The following ITGA9 variants were observed in gnomAD, a reference collection of about 807,000 sequenced individuals.
ITGA9 encodes integrin subunit alpha 9.
Under a neutral mutation model 127.8 loss-of-function variants are expected in ITGA9, and 56 were observed. The observed-to-expected ratio is 0.44, with a 90% CI of 0.35 to 0.55. The LOEUF (loss-of-function observed/expected upper bound fraction) is 0.55. Among genes scored for constraint, ITGA9 ranks in the 20% least tolerant of loss-of-function variants. The probability of loss-of-function intolerance (pLI) is 0.00; values close to 1 mark genes in which losing one functional copy is unlikely to be tolerated. For synonymous variants in ITGA9, 508 were observed against 514.5 expected (o/e 0.99, Z 0.17); for missense variants, 1,196 against 1,347.1 (o/e 0.89, Z 1.76).
chr3:37,771,071 G>GAGA (rs1050324815), intron 23 of ITGA9, among the ~76,000 whole-genome samples: 15 of 152,178 alleles, frequency 9.9e-5, no homozygotes, highest in African/African-American at 3.4e-4. Context: ...ATGGACCTCT[G>GAGA]CCAGCTCCCA....
intron 11 of ITGA9, among the ~76,000 whole-genome samples, chr3:37,521,052 C>CTT (rs1699039198): frequency 6.6e-6 from 1 of 152,128 alleles, no homozygotes; most frequent in Non-Finnish European, 1.5e-5. Flanking sequence ...GCATCTGGAC[C>CTT]AGCCTGCCTT....
In ITGA9 at chr3:37,714,718, C is replaced by T. The variant is rs558761679; in HGVS notation, c.2068-17994C>T. Among the ~76,000 whole-genome samples the T allele has an allele frequency of 9.2e-5, 14 of 152,344 alleles. No individual in the cohort carries two copies. The East Asian group carries it at 2.3e-3, about 25-fold the overall frequency. On this transcript the variant is annotated intron_variant, in intron 18 of 27. Transcript: ENST00000264741. ...AAACAACCGTGGGCTCCTCCCCAGACCTATTGAGTCAAACTCTGGGGGTAG... is the reference window on the plus strand; with the variant it reads ...AAACAACCGTGGGCTCCTCCCCAGATCTATTGAGTCAAACTCTGGGGGTAG...
intron 14 of ITGA9, among the ~76,000 whole-genome samples, chr3:37,540,242 C>A (rs1699251949): frequency 6.6e-6 from 1 of 152,212 alleles, no homozygotes; most frequent in African/African-American, 2.4e-5. Flanking sequence ...GGTCAGGGGA[C>A]CCCGAGGAGA....
At chr3:37,677,244 T>C (rs1700690866) in intron 17 of ITGA9, among the ~76,000 whole-genome samples, 1 of 152,262 alleles carries the variant, frequency 6.6e-6, no homozygotes. Context: ...TTTGGTATTT[T>C]TTGCTCATAT....
chr3:37,508,743 A>T lies in ITGA9; in HGVS notation c.897+116A>T, dbSNP rs1181864323. The T allele has an allele frequency of 3.8e-6, 3 of 779,606 alleles. No individual in the cohort carries two copies. The East Asian group carries it at 7.8e-5, about 20-fold the overall frequency. The allele number at this position is 779,606 out of a possible 1,614,324, so 48.3% of individuals were successfully genotyped here. ...TACCTGTGCCCTGTGTTTATATGGC[A>T]GTGCTGTCTGCTTGTTGGTGTCTTT... On this transcript the variant is annotated intron_variant, in intron 8 of 27. Coordinates refer to ENST00000264741, the MANE Select transcript of ITGA9 (RefSeq NM_002207.3).
At chr3:37,633,058 C>G (rs1426593287) in intron 16 of ITGA9, among the ~76,000 whole-genome samples, 1 of 152,132 alleles carries the variant, frequency 6.6e-6, no homozygotes, top group Admixed American at 6.5e-5. Flanking sequence ...TCTCAAAAGT[C>G]TAATGACAAG....
Position 37,629,074 on chromosome 3 carries a change from A to G in ITGA9, c.1690-113A>G. On this transcript the variant is annotated intron_variant, in intron 15 of 27. Coordinates refer to ENST00000264741, the MANE Select transcript of ITGA9 (RefSeq NM_002207.3). The surrounding 1 kb of genome is among the most constrained non-coding windows in gnomAD (Gnocchi z 4.5). ...CATAAAACCCTACCTCACGAGGGTG[A>G]TTGTGAGGATTATATGAGGCAATTC... is the stretch of plus-strand genomic sequence containing the variant. The G allele has an allele frequency of 4.9e-6, 6 of 1,214,766 alleles. No individual in the cohort carries two copies. In the South Asian group the frequency reaches 6.2e-5, roughly 12 times the overall value. The allele number at this position is 1,214,766 out of a possible 1,614,324, so 75.2% of individuals were successfully genotyped here.
intron 14 of ITGA9, among the ~76,000 whole-genome samples, chr3:37,540,062 A>C (rs1699250133): frequency 1.3e-5 from 2 of 152,214 alleles, no homozygotes; most frequent in South Asian, 4.1e-4. Context: ...AAAAGCCAAG[A>C]GGATATGGGT....
intron 16 of ITGA9, among the ~76,000 whole-genome samples, chr3:37,634,321 A>C (rs1024231836): frequency 4.6e-5 from 7 of 151,860 alleles, no homozygotes; most frequent in Non-Finnish European, 8.8e-5. Context: ...ATTTAAAAAA[A>C]AAAAAACAAA....
chr3:37,818,191 T>TTAAAAAAA (rs1553674108), intron 27 of ITGA9: 5 of 31,970 alleles, frequency 1.6e-4, no homozygotes, highest in African/African-American at 4.7e-4. Flanking sequence ...TAAGACTCTC[T>TTAAAAAAA]AAAAAAAAAA....
intron 18 of ITGA9, among the ~76,000 whole-genome samples, chr3:37,693,145 G>A (rs1340654383): frequency 6.6e-6 from 1 of 152,140 alleles, no homozygotes; most frequent in Non-Finnish European, 1.5e-5. Context: ...CTTCGTACCT[G>A]GCATCGGTTG....
At chr3:37,511,970 TTTC>T (rs1471004051) in intron 8 of ITGA9, among the ~76,000 whole-genome samples, 1 of 12,594 alleles carries the variant, frequency 7.9e-5, no homozygotes, top group African/African-American at 1.6e-4. Context: ...TTCTCTTTCT[TTTC>T]TTTTCTTTTC....
intron 17 of ITGA9, among the ~76,000 whole-genome samples, chr3:37,673,738 TCTGA>T (rs1179452510): frequency 6.6e-6 from 1 of 152,226 alleles, no homozygotes; most frequent in Non-Finnish European, 1.5e-5. Context: ...CTCTCTGGAC[TCTGA>T]CTAATACATA....
At chr3:37,659,988 ACACACACACACACACG>A (rs1700517420) in intron 17 of ITGA9, among the ~76,000 whole-genome samples, 1 of 151,404 alleles carries the variant, frequency 6.6e-6, no homozygotes, top group African/African-American at 2.4e-5. Flanking sequence ...GATGTAACAC[ACACACACACACACACG>A]CACACACACA....
chr3:37,510,119 A>G (rs1287554181), intron 8 of ITGA9, among the ~76,000 whole-genome samples: 1 of 147,784 alleles, frequency 6.8e-6, no homozygotes, highest in African/African-American at 2.5e-5. Flanking sequence ...CTCCTACCTC[A>G]GCCTCCCAGG....
intron 1 of ITGA9, among the ~76,000 whole-genome samples, chr3:37,468,362 A>G (rs189115138): frequency 2.0e-5 from 3 of 152,086 alleles, no homozygotes; most frequent in East Asian, 3.9e-4. Context: ...GTACCCTCCA[A>G]TTCTTCAGGT....
intron 14 of ITGA9, among the ~76,000 whole-genome samples, chr3:37,537,199 A>T (rs1699216350): frequency 6.6e-6 from 1 of 152,210 alleles, no homozygotes. Flanking sequence ...GAGGGAGTGC[A>T]ATGAGGCTGG....
chr3:37,732,663 C>A, intron 18 of ITGA9, 49 bp from the exon 19 acceptor site: 1 of 1,442,390 alleles, frequency 6.9e-7, no homozygotes, highest in Non-Finnish European at 9.6e-7. Context: ...TGCTCCCACA[C>A]ACCTGCCTTT....
At chr3:37,791,150 G>A (rs994612819) in intron 26 of ITGA9, among the ~76,000 whole-genome samples, 1 of 152,144 alleles carries the variant, frequency 6.6e-6, no homozygotes, top group Non-Finnish European at 1.5e-5. Flanking sequence ...GACCCCTGAA[G>A]CCAGAAACTC....
Sources: gnomAD v4.1 joint callset for allele counts (sites outside exome capture counted in the v4.1 genomes callset) on GRCh38, gnomAD v4.1.1 for gene constraint, Gnocchi (gnomAD v3.1) non-coding constraint, MANE v1.5 for transcripts, NCBI Gene and HGNC (gene_info 2026-07-23, HGNC 2026-07-21) for gene names.